The following ACSM3 variants were observed in gnomAD, a reference collection of about 807,000 sequenced individuals.
The protein encoded by ACSM3 is acyl-coenzyme A synthetase ACSM3, mitochondrial.
Under a neutral mutation model 74.1 loss-of-function variants are expected in ACSM3, and 61 were observed. The observed-to-expected ratio is 0.82, with a 90% CI of 0.67 to 1.02. The LOEUF (loss-of-function observed/expected upper bound fraction) is 1.02. Among genes scored for constraint, ACSM3 ranks in the 50% least tolerant of loss-of-function variants. The probability of loss-of-function intolerance (pLI) is 0.00; values close to 1 mark genes in which losing one functional copy is unlikely to be tolerated. For synonymous variants in ACSM3, 213 were observed against 241.5 expected (o/e 0.88, Z 1.09); for missense variants, 660 against 697.0 (o/e 0.95, Z 0.60).
rs185688406 is a variant in ACSM3 at position 20,716,204 on chromosome 16, A to T, written c.-189-33706A>T. ...GCTCTCCAATGAAGCAATGGCATACAGGGGTGGTTTGTTACTCAGTGATGG... is the reference window on the plus strand; with the variant it reads ...GCTCTCCAATGAAGCAATGGCATACTGGGGTGGTTTGTTACTCAGTGATGG... On this transcript the variant is annotated intron_variant, in intron 1 of 3. Transcript: ENST00000561584. 1.2e-4 allele frequency among the ~76,000 whole-genome samples: 18 copies of T among 152,294 alleles called. No individual in the cohort carries two copies. In the East Asian group the frequency reaches 3.5e-3, roughly 29 times the overall value.
chr16:20,731,714 A>T (rs765585181), intron 1 of ACSM3: 2 of 394,424 alleles, frequency 5.1e-6, no homozygotes, highest in Non-Finnish European at 9.1e-6. Context: ...AAAAAAATCA[A>T]CTGCACCTTA....
intron 1 of ACSM3, among the ~76,000 whole-genome samples, chr16:20,739,876 T>C (rs908455036): frequency 4.0e-5 from 6 of 151,166 alleles, no homozygotes; most frequent in Admixed American, 1.3e-4. Flanking sequence ...CCGCAGACTA[T>C]AGAATGTAAA....
chr16:20,744,537 A>G (rs1254014826), intron 1 of ACSM3, among the ~76,000 whole-genome samples: 2 of 152,166 alleles, frequency 1.3e-5, no homozygotes, highest in Non-Finnish European at 2.9e-5. Flanking sequence ...TGTGCATGCC[A>G]CCACGGCCAA....
At chr16:20,712,754 A>G (rs1475566695) in intron 1 of ACSM3, among the ~76,000 whole-genome samples, 1 of 150,208 alleles carries the variant, frequency 6.7e-6, no homozygotes, top group Non-Finnish European at 1.5e-5. Flanking sequence ...AAAAAAAAAA[A>G]GTACAAAAAT....
intron 1 of ACSM3, among the ~76,000 whole-genome samples, chr16:20,694,930 C>T (rs1405783761): frequency 6.6e-6 from 1 of 152,086 alleles, no homozygotes; most frequent in Admixed American, 6.5e-5. Flanking sequence ...GGAAAAAGAC[C>T]TCAGAGAAAA....
At chr16:20,736,651 CCT>C in intron 1 of ACSM3, 4 of 497,050 alleles carry the variant, frequency 8.0e-6, no homozygotes, top group Non-Finnish European at 1.4e-5. Context: ...CCTATCCTCC[CCT>C]CTTTGCAACA....
rs2079810331 is a variant in ACSM3 at position 20,727,386 on chromosome 16, G to A, written c.-189-22524G>A. 8.7e-6 allele frequency: 5 copies of A among 577,762 alleles called. No individual in the cohort carries two copies. The East Asian group carries it at 2.1e-4, about 25-fold the overall frequency. 35.8% of individuals were successfully genotyped at this position (577,762 alleles called of 1,614,324 possible). On this transcript the variant is annotated intron_variant, in intron 1 of 3. Transcript: ENST00000561584. ...GCGGCACTGCTTGACAGGAGGGGAG[G>A]CCCTCACCCCGGAGGTGCTGGAGCA...
intron 2 of ACSM3, among the ~76,000 whole-genome samples, chr16:20,752,114 C>T (rs1383350421): frequency 6.6e-6 from 1 of 152,034 alleles, no homozygotes; most frequent in Non-Finnish European, 1.5e-5. Flanking sequence ...GGTGTGAACC[C>T]GGGAGGCAGA....
chr16:20,714,208 C>CAA (rs67524952), intron 1 of ACSM3, among the ~76,000 whole-genome samples: 56 of 134,810 alleles, frequency 4.2e-4, no homozygotes, highest in African/African-American at 1.4e-3. Flanking sequence ...GATATGGAGG[C>CAA]AAAAAAAAAA....
At chr16:20,726,857 G>GT (rs1322648008) in intron 1 of ACSM3, among the ~76,000 whole-genome samples, 4 of 152,224 alleles carry the variant, frequency 2.6e-5, no homozygotes, top group Non-Finnish European at 5.9e-5. Flanking sequence ...CTGGTACAGA[G>GT]TATCATGAGT....
Position 20,780,818 on chromosome 16 carries a change from C to A in ACSM3, c.743C>A (p.Thr248Asn), listed in dbSNP as rs1395533116. 1 of 1,614,206 alleles carries A rather than the reference C, an allele frequency of 6.2e-7. No homozygotes were observed. Among genetic ancestry groups the A allele is most frequent in the South Asian group, 1.1e-5 (1 of 91,086 alleles). The change falls in exon 5 of 14, where the codon ACC (threonine) becomes AAC (asparagine). Residue 248 changes from threonine to asparagine, a missense_variant. Transcript: ENST00000289416. The stretch of plus-strand genomic sequence containing the variant: ...GGATATCCGAAAATGACTGCACACA[C>A]CCACAGCAGTTTTGGTTTAGGATTA... ...TSGYPKMTAH[T>N]HSSFGLGLSV... is the part of the protein sequence containing the mutation.
At chr16:20,682,053 C>T (rs2079456676) in intron 1 of ACSM3, 2 of 538,136 alleles carry the variant, frequency 3.7e-6, no homozygotes, top group African/African-American at 1.9e-5. Context: ...TCCCCCTGCA[C>T]AGATCTCCCC....
intron 8 of ACSM3, among the ~76,000 whole-genome samples, chr16:20,785,721 A>G (rs2080458311): frequency 6.6e-6 from 1 of 152,220 alleles, no homozygotes; most frequent in East Asian, 1.9e-4. Context: ...TAATGCTTCA[A>G]TTTATGAACC....
At chr16:20,768,609 T>C (rs2080154141) in intron 1 of ACSM3, among the ~76,000 whole-genome samples, 2 of 152,228 alleles carry the variant, frequency 1.3e-5, no homozygotes, top group Admixed American at 1.3e-4. Context: ...AATATTCTGA[T>C]TTAATTGATC....
At chr16:20,738,142 A>T in intron 1 of ACSM3, 1 of 687,154 alleles carries the variant, frequency 1.5e-6, no homozygotes, top group Non-Finnish European at 2.6e-6. Context: ...ACTATAATGT[A>T]TCTAATATAT....
chr16:20,791,245 T>A (rs1200238733), intron 10 of ACSM3, among the ~76,000 whole-genome samples: 1 of 152,218 alleles, frequency 6.6e-6, no homozygotes, highest in Admixed American at 6.5e-5. Flanking sequence ...TTTTCTTATG[T>A]CAGACTTGCA....
At position 20,792,257 on chromosome 16, in the gene ACSM3, G is replaced by T; in HGVS notation, c.1476G>T (p.Glu492Asp). ...CTAGCTATCGAATTGGACCATTTGA[G>T]GTAGAAAATGCCCTGAATGAACACC... ...LSSGYRIGPFEVENALNEHPS... is the reference protein window; with the variant it reads ...LSSGYRIGPFDVENALNEHPS... Residue 492 changes from glutamate (E) to aspartate (D), a missense_variant, in exon 12 of 14, where the codon GAG (glutamate) becomes GAT (aspartate). By Grantham distance (45) the Glu-to-Asp change is conservative (BLOSUM62 2). Coordinates refer to ENST00000289416, the MANE Select transcript of ACSM3 (RefSeq NM_005622.4). 4 of 1,614,082 alleles carry T rather than the reference G, an allele frequency of 2.5e-6. No homozygotes were observed. Among genetic ancestry groups the T allele is most frequent in the Non-Finnish European group, 3.4e-6 (4 of 1,179,976 alleles).
rs371992954 is a variant in ACSM3 at position 20,751,597 on chromosome 16, A to G, written c.-96+1594A>G. Reference sequence around the variant, plus strand: ...AAACACTGCTCATCATCCCCCTGCCAAGTGATAGTAGAGCTCAGTGGGGCT... The same window carrying G: ...AAACACTGCTCATCATCCCCCTGCCGAGTGATAGTAGAGCTCAGTGGGGCT... On this transcript the variant is annotated intron_variant, in intron 2 of 3. Coordinates refer to the ACSM3 transcript ENST00000561584. 3.3e-5 allele frequency among the ~76,000 whole-genome samples: 5 copies of G among 152,162 alleles called. No homozygotes were observed. In the East Asian group the frequency reaches 7.7e-4, roughly 23 times the overall value.
At position 20,736,792 on chromosome 16, in the gene ACSM3, C is replaced by CT. The variant is rs1330057142; in HGVS notation, c.-189-13117dup. Reference sequence around the variant, plus strand: ...CATAATGCAGCACACAAATAAAAAACTGTTTTTAGTCACAATTTAAGGTGG... The same window carrying CT: ...CATAATGCAGCACACAAATAAAAAACTTGTTTTTAGTCACAATTTAAGGTGG... On this transcript the variant is annotated intron_variant, in intron 1 of 3. Coordinates refer to the ACSM3 transcript ENST00000561584. 3 of 1,341,144 alleles carry CT rather than the reference C, an allele frequency of 2.2e-6. No homozygotes were observed. The East Asian group carries it at 6.9e-5, about 31-fold the overall frequency. 83.1% of individuals were successfully genotyped at this position (1,341,144 alleles called of 1,614,324 possible).
Sources: allele counts gnomAD v4.1 joint callset (sites outside exome capture counted in the v4.1 genomes callset), GRCh38; gene constraint gnomAD v4.1.1; transcripts MANE v1.5; gene names NCBI Gene and HGNC (gene_info 2026-07-23, HGNC 2026-07-21).